Variants in KIRREL1 observed in about 807,000 individuals in gnomAD.
KIRREL1 encodes the protein kirre like nephrin family adhesion molecule 1.
A neutral mutation model predicts 83.3 loss-of-function variants in KIRREL1; 25 were observed. The ratio of observed to expected loss-of-function variants is 0.30; its 90% confidence interval spans 0.22 to 0.42. The LOEUF (loss-of-function observed/expected upper bound fraction) is 0.42, where lower values mean the gene tolerates loss of function less well. KIRREL1 is among the 10% of genes least tolerant of loss of function. The pLI is 1.00. For missense variants in KIRREL1, 812 were observed against 1,032.3 expected, an observed-to-expected ratio of 0.79 and a Z score of 2.92; for synonymous variants, 388 against 410.4, an observed-to-expected ratio of 0.95 and a Z score of 0.66.
Position 158,053,454 on chromosome 1 carries a change from C to T in KIRREL1, c.53-22659C>T, listed in dbSNP as rs545639747. On this transcript the variant is annotated intron_variant, in intron 1 of 14. Coordinates refer to ENST00000359209, the MANE Select transcript of KIRREL1 (RefSeq NM_018240.7). Reference sequence around the variant, plus strand: ...GATTATCACTTTTAATCCTTACAACCCTGCCCTTCCACAAATACCCAGTGA... The same window carrying T: ...GATTATCACTTTTAATCCTTACAACTCTGCCCTTCCACAAATACCCAGTGA... Among the ~76,000 whole-genome samples, 44 of 152,278 alleles carry T rather than the reference C, an allele frequency of 2.9e-4. 1 individual carries two copies. Among genetic ancestry groups the T allele is most frequent in the Non-Finnish European group, 2.5e-4 (17 of 68,022 alleles).
chr1:158,005,075 C>T (rs1406587674), intron 1 of KIRREL1, among the ~76,000 whole-genome samples: 2 of 152,190 alleles, frequency 1.3e-5, no homozygotes, highest in African/African-American at 2.4e-5. Context: ...GATTCTGACT[C>T]ACAAAGTCTG....
chr1:158,054,212 C>CAAAAAAAAAAAAAAAAA, intron 1 of KIRREL1, among the ~76,000 whole-genome samples: 1 of 85,100 alleles, frequency 1.2e-5, no homozygotes, highest in Non-Finnish European at 2.2e-5. Context: ...GACTCCATCT[C>CAAAAAAAAAAAAAAAAA]AAAAAAAAAA....
At chr1:157,995,041 TAC>T (rs1428937283) in intron 1 of KIRREL1, among the ~76,000 whole-genome samples, 1 of 152,228 alleles carries the variant, frequency 6.6e-6, no homozygotes, top group African/African-American at 2.4e-5. Flanking sequence ...TATGGAGATG[TAC>T]AGACTGCAGA....
At chr1:158,024,365 A>G (rs545529754) in intron 1 of KIRREL1, among the ~76,000 whole-genome samples, 69 of 131,750 alleles carry the variant, frequency 5.2e-4, no homozygotes, top group African/African-American at 2.0e-3. Context: ...TGCAACCTCC[A>G]CCTCCTGGGT....
chr1:157,995,685 T>C (rs1014388219), intron 1 of KIRREL1, among the ~76,000 whole-genome samples: 4 of 152,042 alleles, frequency 2.6e-5, no homozygotes, highest in African/African-American at 9.7e-5. Context: ...GAAAGAATTG[T>C]GTGTTGTGTG....
intron 1 of KIRREL1, among the ~76,000 whole-genome samples, chr1:158,010,675 T>C (rs1303173193): frequency 6.6e-6 from 1 of 152,154 alleles, no homozygotes; most frequent in Non-Finnish European, 1.5e-5. Context: ...TTCTTCTCTT[T>C]TTCTGGGAAC....
chr1:158,082,294 T>C (rs1486743931), intron 3 of KIRREL1, among the ~76,000 whole-genome samples: 2 of 152,044 alleles, frequency 1.3e-5, no homozygotes, highest in African/African-American at 2.4e-5. Context: ...CTAGTGAGTA[T>C]GGTTATGTCT....
chr1:158,022,585 G>T (rs1557992123), intron 1 of KIRREL1, among the ~76,000 whole-genome samples: 1 of 152,136 alleles, frequency 6.6e-6, no homozygotes, highest in Non-Finnish European at 1.5e-5. Flanking sequence ...GCACCACTGG[G>T]AACACCCAGG....
intron 1 of KIRREL1, among the ~76,000 whole-genome samples, chr1:158,008,321 G>A (rs1659577612): frequency 1.3e-5 from 2 of 152,148 alleles, no homozygotes; most frequent in Non-Finnish European, 2.9e-5. Context: ...CTGCCAGAAG[G>A]CAGGAGGCTG....
intron 1 of KIRREL1, among the ~76,000 whole-genome samples, chr1:158,069,000 T>C (rs547622021): frequency 1.3e-5 from 2 of 152,224 alleles, no homozygotes; most frequent in South Asian, 4.1e-4. Flanking sequence ...TTACTGCTCG[T>C]TTGATAAATC....
rs755207237 is a variant in KIRREL1, at chr1:158,096,940, A to G, written c.*1820A>G. ...GTTACATGCTTATCAGCCACAGGCCATTACCACCCTTATGGATGGGTCTGG... is the reference window on the plus strand; with the variant it reads ...GTTACATGCTTATCAGCCACAGGCCGTTACCACCCTTATGGATGGGTCTGG... On this transcript the variant is annotated 3_prime_UTR_variant, in exon 15 of 15. Coordinates refer to ENST00000359209, the MANE Select transcript of KIRREL1 (RefSeq NM_018240.7). 1.3e-5 allele frequency: 6 copies of G among 456,762 alleles called. No individual in the cohort carries two copies. Among genetic ancestry groups the G allele is most frequent in the South Asian group, 9.3e-5 (6 of 64,568 alleles). The allele number at this position is 456,762 out of a possible 1,614,324, so 28.3% of individuals were successfully genotyped here. A position where few individuals can be genotyped will look rare whatever the true frequency, so the allele number is the denominator to read the frequency against.
chr1:158,018,214 T>C (rs768423287), intron 1 of KIRREL1, among the ~76,000 whole-genome samples: 1 of 152,220 alleles, frequency 6.6e-6, no homozygotes, highest in Middle Eastern at 3.4e-3. Context: ...TGGGTCAGAA[T>C]TGTCAGGAGT....
chr1:158,023,362 T>G (rs969057837), intron 1 of KIRREL1, among the ~76,000 whole-genome samples: 8 of 152,338 alleles, frequency 5.3e-5, no homozygotes, highest in Admixed American at 1.3e-4. Flanking sequence ...ATTTATTGAG[T>G]GCCAGGCACT....
chr1:158,092,173 A>G (rs1662218086), intron 11 of KIRREL1, among the ~76,000 whole-genome samples: 1 of 152,186 alleles, frequency 6.6e-6, no homozygotes, highest in African/African-American at 2.4e-5. Context: ...TCTCTCCTTT[A>G]AGGCACTTCT....
chr1:158,090,331 C>A (rs1662157805), intron 10 of KIRREL1, among the ~76,000 whole-genome samples: 1 of 152,150 alleles, frequency 6.6e-6, no homozygotes, highest in Non-Finnish European at 1.5e-5. Flanking sequence ...CTCCCTCCTC[C>A]TGCCTTCCTC....
chr1:158,057,627 AT>A (rs1273380111), intron 1 of KIRREL1, among the ~76,000 whole-genome samples: 2 of 152,080 alleles, frequency 1.3e-5, no homozygotes, highest in African/African-American at 2.4e-5. Context: ...GATGTGTAAT[AT>A]TTTTTTGGGG....
intron 1 of KIRREL1, among the ~76,000 whole-genome samples, chr1:158,032,108 C>A (rs888587555): frequency 2.9e-5 from 4 of 135,630 alleles, no homozygotes; most frequent in Admixed American, 1.5e-4. Context: ...GAAAAACAAA[C>A]AAACAAACAC....
rs557028786 is a variant in KIRREL1 at position 158,064,665 on chromosome 1, A to C, written c.53-11448A>C. 7.2e-5 allele frequency among the ~76,000 whole-genome samples: 11 copies of C among 152,196 alleles called. No individual in the cohort carries two copies. In the South Asian group the frequency reaches 2.3e-3, roughly 32 times the overall value. On this transcript the variant is annotated intron_variant, in intron 1 of 14. Coordinates refer to ENST00000359209, the MANE Select transcript of KIRREL1 (RefSeq NM_018240.7). ...CAATATCTATTCCTTGGGATCTACA[A>C]CTGTTAATGTCTATCCTAGGGCTTG...
intron 4 of KIRREL1, 87 bp from the exon 5 acceptor site, chr1:158,086,509 C>A (rs7367384): frequency 1.0e-5 from 14 of 1,393,246 alleles, no homozygotes; most frequent in East Asian, 5.0e-5. Flanking sequence ...CCCCTCCAGC[C>A]CAAGCCCATC....
Sources: gnomAD v4.1 joint callset for allele counts (sites outside exome capture counted in the v4.1 genomes callset) on GRCh38, gnomAD v4.1.1 for gene constraint, MANE v1.5 for transcripts, NCBI Gene and HGNC (gene_info 2026-07-23, HGNC 2026-07-21) for gene names.